TBC1D19: variants seen among roughly 807,000 people sequenced by gnomAD.
The protein encoded by TBC1D19 is TBC1 domain family member 19, also known as TBC1 domain family, member 19.
Under a neutral mutation model 89.0 loss-of-function variants are expected in TBC1D19, and 60 were observed. That is an observed-to-expected ratio of 0.67 (90% CI 0.55 to 0.84). TBC1D19 has a LOEUF of 0.84. TBC1D19 is among the 40% of genes least tolerant of loss of function. The probability of loss-of-function intolerance (pLI) is 0.00; values close to 1 mark genes in which losing one functional copy is unlikely to be tolerated. For missense variants in TBC1D19, 500 were observed against 610.8 expected, an observed-to-expected ratio of 0.82 and a Z score of 1.91; for synonymous variants, 189 against 199.7, an observed-to-expected ratio of 0.95 and a Z score of 0.45.
intron 13 of TBC1D19, among the ~76,000 whole-genome samples, chr4:26,697,782 G>A (rs150672315): frequency 0.018 from 2,707 of 152,256 alleles, 52 homozygotes; most frequent in East Asian, 0.066. Context: ...CTCAATAGAT[G>A]CAGGAAAGGC....
At chr4:26,850,746 C>A in the TBC1D19 span, among the ~76,000 whole-genome samples, 3 of 151,996 alleles carry the variant, frequency 2.0e-5, no homozygotes, top group Non-Finnish European at 4.4e-5. Flanking sequence ...AACTGTGAGA[C>A]AAAAAATTTC....
intron 3 of TBC1D19, among the ~76,000 whole-genome samples, chr4:26,617,318 T>G (rs1167703067): frequency 6.6e-6 from 1 of 152,254 alleles, no homozygotes; most frequent in Non-Finnish European, 1.5e-5. Flanking sequence ...ATTGCAAATT[T>G]TAACATGAGT....
At chr4:26,710,650 A>G (rs1289386193) in intron 13 of TBC1D19, among the ~76,000 whole-genome samples, 1 of 152,212 alleles carries the variant, frequency 6.6e-6, no homozygotes, top group African/African-American at 2.4e-5. Flanking sequence ...TCCCACCAAC[A>G]GTGTAAAACT....
the TBC1D19 span, among the ~76,000 whole-genome samples, chr4:26,834,605 A>G: frequency 6.6e-6 from 1 of 152,104 alleles, no homozygotes; most frequent in African/African-American, 2.4e-5. Context: ...AAAGATGTGC[A>G]AAGAAGTGGA....
chr4:26,737,380 C>G (rs1324415539), intron 16 of TBC1D19, among the ~76,000 whole-genome samples: 1 of 152,030 alleles, frequency 6.6e-6, no homozygotes, highest in Non-Finnish European at 1.5e-5. Context: ...AAAATGTTCA[C>G]TTTTTATCTT....
chr4:26,699,640 T>A (rs1351951848), intron 13 of TBC1D19, among the ~76,000 whole-genome samples: 2 of 152,034 alleles, frequency 1.3e-5, no homozygotes, highest in Non-Finnish European at 2.9e-5. Flanking sequence ...TAGACTGGAT[T>A]AAGAAAATGT....
intron 14 of TBC1D19, among the ~76,000 whole-genome samples, chr4:26,719,144 A>G (rs1472310169): frequency 1.3e-5 from 2 of 152,102 alleles, no homozygotes; most frequent in African/African-American, 4.8e-5. Flanking sequence ...TTTAGTCTGG[A>G]CTATAAACCA....
intron 17 of TBC1D19, 24 bp downstream of exon 17, chr4:26,739,997 T>C (rs745387905): frequency 1.4e-6 from 2 of 1,441,938 alleles, no homozygotes; most frequent in Non-Finnish European, 1.9e-6. Context: ...AAAAACTTGA[T>C]CAAATTAGGT....
chr4:26,604,759 T>TA (rs1740869058), intron 1 of TBC1D19, among the ~76,000 whole-genome samples: 1 of 151,678 alleles, frequency 6.6e-6, no homozygotes, highest in African/African-American at 2.4e-5. Flanking sequence ...CGGGTGCCTG[T>TA]AGTCCTAGCT....
At chr4:26,716,398 T>C (rs1403254772) in intron 13 of TBC1D19, among the ~76,000 whole-genome samples, 2 of 152,030 alleles carry the variant, frequency 1.3e-5, no homozygotes, top group East Asian at 3.9e-4. Flanking sequence ...AAAGAAAATG[T>C]GGGAGAGGCA....
rs1467186779 is a variant in TBC1D19 at position 26,638,104 on chromosome 4, T to G, written c.370-667T>G. On this transcript the variant is annotated intron_variant, in intron 5 of 20. Transcript: ENST00000264866. ...TCAACATTTATGTTACTCTGGGCAT[T>G]GAGGAGAAAAGATGAGAAAGAAAAG... Among the ~76,000 whole-genome samples the G allele has an allele frequency of 7.5e-3, 1,136 of 150,964 alleles. 18 individuals are homozygous for G. Among genetic ancestry groups the G allele is most frequent in the African/African-American group, 0.026 (1,068 of 40,340 alleles).
chr4:26,700,609 C>T (rs1193740969), intron 13 of TBC1D19, among the ~76,000 whole-genome samples: 1 of 152,104 alleles, frequency 6.6e-6, no homozygotes, highest in Non-Finnish European at 1.5e-5. Context: ...GTATTGATTA[C>T]AGATTGTTTA....
the TBC1D19 span, among the ~76,000 whole-genome samples, chr4:26,857,391 A>C: frequency 6.6e-6 from 1 of 152,230 alleles, no homozygotes; most frequent in Admixed American, 6.5e-5. Context: ...GTCTGTCCCG[A>C]CATTCCAGGG....
intron 13 of TBC1D19, among the ~76,000 whole-genome samples, chr4:26,712,380 A>T (rs1304258968): frequency 6.6e-6 from 1 of 152,000 alleles, no homozygotes; most frequent in East Asian, 1.9e-4. Context: ...TATAGAACCT[A>T]GTGTATTCCT....
At chr4:26,606,869 T>C (rs1414531052) in intron 1 of TBC1D19, among the ~76,000 whole-genome samples, 1 of 152,176 alleles carries the variant, frequency 6.6e-6, no homozygotes, top group African/African-American at 2.4e-5. Context: ...CATTTGTACT[T>C]AATGGAGATT....
intron 8 of TBC1D19, among the ~76,000 whole-genome samples, chr4:26,664,011 G>A (rs780182822): frequency 1.3e-5 from 2 of 152,200 alleles, no homozygotes; most frequent in Non-Finnish European, 2.9e-5. Context: ...GAGCTAAGTA[G>A]TGTGGTTCAA....
At chr4:26,806,196 C>T in the TBC1D19 span, among the ~76,000 whole-genome samples, 1 of 152,132 alleles carries the variant, frequency 6.6e-6, no homozygotes, top group Non-Finnish European at 1.5e-5. Context: ...CGCCCTCCAG[C>T]CTTCCTATAG....
the TBC1D19 span, among the ~76,000 whole-genome samples, chr4:26,851,307 A>ATCTATCTATCTATCTATCTGTCTGTCTG: frequency 7.5e-4 from 34 of 45,460 alleles, no homozygotes; most frequent in African/African-American, 9.0e-4. Context: ...TAAATACCCT[A>ATCTATCTATCTATCTATCTGTCTGTCTG]TCTATCTATC....
At chr4:26,757,029 TTTTTGACGCAGTCTGGC>T (rs1719292357), downstream of TBC1D19, among the ~76,000 whole-genome samples, 1 of 152,046 alleles carries the variant, frequency 6.6e-6, no homozygotes, top group Admixed American at 6.6e-5. Flanking sequence ...ATTTTTTTTT[TTTTTGACGCAGTCTGGC>T]TCTGTCACCC....
Sources: allele counts gnomAD v4.1 joint callset (sites outside exome capture counted in the v4.1 genomes callset), GRCh38; gene constraint gnomAD v4.1.1; transcripts MANE v1.5; gene names NCBI Gene and HGNC (gene_info 2026-07-23, HGNC 2026-07-21).